Variants in MICAL3 observed in about 807,000 individuals in gnomAD.
MICAL3 encodes the protein microtubule associated monooxygenase, calponin and LIM domain containing 3, also known as [F-actin]-monooxygenase MICAL3.
In MICAL3, 62 loss-of-function variants were observed where a neutral mutation model predicts 207.4. The ratio of observed to expected loss-of-function variants is 0.30; its 90% CI spans 0.24 to 0.37. The LOEUF (loss-of-function observed/expected upper bound fraction) is 0.37. Among genes scored for constraint, MICAL3 ranks in the 10% least tolerant of loss-of-function variants. MICAL3 has a pLI of 1.00. For synonymous variants in MICAL3, 1,077 were observed against 1,069.3 expected, an observed-to-expected ratio of 1.01 and a Z score of -0.14; for missense variants, 2,368 against 2,635.6, an observed-to-expected ratio of 0.90 and a Z score of 2.22.
intron 19 of MICAL3, chr22:17,864,671 G>T (rs1926878268): frequency 6.2e-7 from 1 of 1,607,208 alleles, no homozygotes; most frequent in East Asian, 2.2e-5. Flanking sequence ...GCCACAGCCT[G>T]CCAGTGGAAC....
chr22:17,996,149 A>AAG, intron 1 of MICAL3, among the ~76,000 whole-genome samples: 1 of 150,736 alleles, frequency 6.6e-6, no homozygotes, highest in East Asian at 1.9e-4. Context: ...AAAAAAAAAA[A>AAG]AAAAAAAAGG....
At position 18,003,259 on chromosome 22, in the gene MICAL3, G is replaced by C. The variant is rs180798627; in HGVS notation, c.-75+21022C>G. ...CCCACCTTTGGTAAAGATGAATCCT[G>C]TCTTCTTTCTGGGTCCCTCATCTCT... On this transcript the variant is annotated intron_variant, in intron 1 of 31. Transcript: ENST00000441493. Among the ~76,000 whole-genome samples the C allele has an allele frequency of 9.9e-4, 150 of 151,974 alleles. 1 individual carries two copies. The highest frequency in any genetic ancestry group is 3.4e-3 in the African/African-American group (140 of 41,460).
intron 1 of MICAL3, among the ~76,000 whole-genome samples, chr22:17,946,358 C>T (rs997341393): frequency 1.3e-5 from 2 of 152,248 alleles, no homozygotes; most frequent in African/African-American, 4.8e-5. Flanking sequence ...CACACTCTGC[C>T]TGCAACCAGG....
At chr22:17,993,291 T>G (rs1921903825) in intron 1 of MICAL3, among the ~76,000 whole-genome samples, 1 of 152,020 alleles carries the variant, frequency 6.6e-6, no homozygotes. Flanking sequence ...GGGATACATG[T>G]GCAGAACGTG....
At chr22:17,976,048 CAA>C (rs35535653) in intron 1 of MICAL3, among the ~76,000 whole-genome samples, 9 of 145,876 alleles carry the variant, frequency 6.2e-5, no homozygotes, top group East Asian at 2.0e-4. Flanking sequence ...GACTGGGTCT[CAA>C]AAAAAAAAAG....
intron 19 of MICAL3, among the ~76,000 whole-genome samples, chr22:17,853,578 C>T (rs73876516): frequency 1.7e-3 from 254 of 152,288 alleles, no homozygotes; most frequent in African/African-American, 5.6e-3. Flanking sequence ...TTAACTTATG[C>T]GCTCTTCACA....
rs1414612288 is a variant in MICAL3 at position 17,958,699 on chromosome 22, TTTTTTA to T, written c.-74-51819_-74-51814del. On this transcript the variant is annotated intron_variant, in intron 1 of 31. Coordinates refer to ENST00000441493, the MANE Select transcript of MICAL3 (RefSeq NM_015241.3). ...GCCTGTTGTTTTTGAGTTGTTGGGT[TTTTTTA>T]TTTTTTTTTTCTTTTGAGACAGAGT... 6.8e-5 allele frequency among the ~76,000 whole-genome samples: 9 copies of T among 132,210 alleles called. No homozygotes were observed. The East Asian group carries it at 1.8e-3, about 26-fold the overall frequency. The allele number at this position is 132,210 out of a possible 152,430, so 86.7% of individuals were successfully genotyped here. A position where few individuals can be genotyped will look rare whatever the true frequency, so the allele number is the denominator to read the frequency against.
chr22:17,837,960 G>A (rs1323304857), intron 20 of MICAL3, among the ~76,000 whole-genome samples: 1 of 152,190 alleles, frequency 6.6e-6, no homozygotes, highest in Non-Finnish European at 1.5e-5. Context: ...GGGACCACAG[G>A]AGCGTACCAC....
At chr22:17,810,279 G>T (rs1434858234) in intron 28 of MICAL3, among the ~76,000 whole-genome samples, 1 of 152,050 alleles carries the variant, frequency 6.6e-6, no homozygotes, top group Admixed American at 6.6e-5. Flanking sequence ...TAGCCAGGAT[G>T]GTCTCAATCT....
intron 1 of MICAL3, among the ~76,000 whole-genome samples, chr22:18,002,127 G>A (rs1923072857): frequency 6.6e-6 from 1 of 152,158 alleles, no homozygotes. Context: ...GAACCCGGGA[G>A]GCGGAAGTTG....
intron 1 of MICAL3, among the ~76,000 whole-genome samples, chr22:17,928,049 G>A (rs571647977): frequency 1.3e-4 from 20 of 152,308 alleles, no homozygotes; most frequent in South Asian, 6.2e-4. Flanking sequence ...TTATTTACAT[G>A]TGTCTTGCCA....
chr22:17,873,149 G>C (rs1362539863), intron 16 of MICAL3, among the ~76,000 whole-genome samples: 1 of 152,232 alleles, frequency 6.6e-6, no homozygotes, highest in Non-Finnish European at 1.5e-5. Context: ...CAGTTCCAGG[G>C]AATGGTGGTA....
rs756455740 is a variant in MICAL3 at position 17,816,702 on chromosome 22, C to T, written c.5433G>A (p.Lys1811=). Residue 1811 remains lysine (K), a synonymous_variant, in exon 27 of 32, where the codon AAG becomes AAA. Transcript: ENST00000441493. ...CCTGACTACCCACCTCTCGCCGGGACTTCTGTGAGGACTTCTCAAGGACAT... is the reference window on the plus strand; with the variant it reads ...CCTGACTACCCACCTCTCGCCGGGATTTCTGTGAGGACTTCTCAAGGACAT... ...SDDVLEKSSQ[K]SRREPRTYTE... 4 of 1,553,014 alleles carry T rather than the reference C, an allele frequency of 2.6e-6. No individual in the cohort carries two copies. The South Asian group carries it at 3.6e-5, about 14-fold the overall frequency.
chr22:17,915,086 A>G (rs764287738), intron 1 of MICAL3, among the ~76,000 whole-genome samples: 2 of 146,318 alleles, frequency 1.4e-5, no homozygotes, highest in African/African-American at 2.5e-5. Context: ...ATGTGGGAAA[A>G]CACAACCAAA....
In MICAL3 at chr22:17,906,919, T is replaced by C. The variant is rs1602194322; in HGVS notation, c.-74-33A>G. The C allele has an allele frequency of 9.8e-6, 11 of 1,127,320 alleles. No individual in the cohort carries two copies. In the East Asian group the frequency reaches 2.6e-4, roughly 27 times the overall value. 69.8% of individuals were successfully genotyped at this position (1,127,320 alleles called of 1,614,324 possible). A position where few individuals can be genotyped will look rare whatever the true frequency, so the allele number is the denominator to read the frequency against. ...AAAGAAAGAAAAACGTGGTTAGCAT[T>C]TCTCTGTCTACAAACATTCTCCAGG... On this transcript the variant is annotated intron_variant, in intron 1 of 31. Coordinates refer to ENST00000441493, the MANE Select transcript of MICAL3 (RefSeq NM_015241.3).
At chr22:17,836,258 C>T (rs1313703528) in intron 20 of MICAL3, among the ~76,000 whole-genome samples, 5 of 152,222 alleles carry the variant, frequency 3.3e-5, no homozygotes, top group African/African-American at 9.6e-5. Flanking sequence ...CAGTGATTGA[C>T]GGAGGGCAGC....
chr22:17,900,976 C>T lies in MICAL3; in HGVS notation c.713G>A (p.Arg238His), dbSNP rs781549357. The change falls in exon 6 of 32, where the codon CGT (arginine) becomes CAT (histidine). Residue 238 changes from arginine (R) to histidine (H), a missense_variant. By Grantham distance (29) the Arg-to-His change is conservative (BLOSUM62 0). Around this residue, in one of 4 missense-constraint regions of MICAL3, gnomAD observed 400 missense variants for 547.0 expected, o/e 0.73. Coordinates refer to ENST00000441493, the MANE Select transcript of MICAL3 (RefSeq NM_015241.3). The surrounding 1 kb of genome is among the most constrained non-coding windows in gnomAD (Gnocchi z 4.0). ...TLEGFRRKEFRGKLAIAITAN... is the reference protein window; with the variant it reads ...TLEGFRRKEFHGKLAIAITAN... ...CGTGATGGCGATGGCCAGTTTGCCACGGAATTCTTTCCGACGAAACCCTGG... is the reference window on the plus strand; with the variant it reads ...CGTGATGGCGATGGCCAGTTTGCCATGGAATTCTTTCCGACGAAACCCTGG... 5.0e-6 allele frequency: 8 copies of T among 1,613,856 alleles called. No homozygotes were observed. The highest frequency in any genetic ancestry group is 3.3e-5 in the South Asian group (3 of 91,078).
In MICAL3 at chr22:17,818,159, G is replaced by A. The variant is rs1278627501; in HGVS notation, c.4502C>T (p.Pro1501Leu). 1 of 1,599,664 alleles carries A rather than the reference G, an allele frequency of 6.3e-7. No individual in the cohort carries two copies. Among genetic ancestry groups the A allele is most frequent in the Non-Finnish European group, 8.5e-7 (1 of 1,174,928 alleles). ...PATWMRPPRE[P>L]AQPPREEVRK... ...CACCTCCTCTCTGGGGGGCTGAGCA[G>A]GCTCCCGGGGGGGCCGCATCCAGGT... Residue 1501 changes from proline (P) to leucine (L), a missense_variant, in exon 26 of 32, where the codon CCT becomes CTT. This residue lies in a region of MICAL3 where 1,770 missense variants were observed against 1,863.2 expected (regional missense o/e 0.95). Coordinates refer to ENST00000441493, the MANE Select transcript of MICAL3 (RefSeq NM_015241.3).
intron 1 of MICAL3, among the ~76,000 whole-genome samples, chr22:18,010,652 G>A (rs887003261): frequency 6.6e-6 from 1 of 152,104 alleles, no homozygotes; most frequent in Admixed American, 6.5e-5. Flanking sequence ...GCTCCCACTG[G>A]CAGAAAAGGA....
Sources: allele counts gnomAD v4.1 joint callset (sites outside exome capture counted in the v4.1 genomes callset), GRCh38; gene constraint gnomAD v4.1.1; regional missense constraint gnomAD v4.1.1; non-coding constraint Gnocchi (gnomAD v3.1); transcripts MANE v1.5; gene names NCBI Gene and HGNC (gene_info 2026-07-23, HGNC 2026-07-21).